MAML3: variants seen among roughly 807,000 people sequenced by gnomAD.
The protein encoded by MAML3 is mastermind like transcriptional coactivator 3.
In MAML3, 27 loss-of-function variants were observed where a neutral mutation model predicts 101.9. The ratio of observed to expected loss-of-function variants is 0.27; its 90% CI spans 0.20 to 0.37. The LOEUF is 0.37. MAML3 is among the 10% of genes least tolerant of loss of function. MAML3 has a pLI of 1.00. For synonymous variants in MAML3, 501 were observed against 555.9 expected (o/e 0.90, Z 1.39); for missense variants, 1,316 against 1,444.9 (o/e 0.91, Z 1.45).
At chr4:139,741,652 TG>T (rs1729167964) in intron 2 of MAML3, among the ~76,000 whole-genome samples, 1 of 151,988 alleles carries the variant, frequency 6.6e-6, no homozygotes, top group Non-Finnish European at 1.5e-5. Context: ...GAGGCTGAGG[TG>T]GGAGGATCGC....
intron 2 of MAML3, among the ~76,000 whole-genome samples, chr4:139,830,033 G>T (rs1021162275): frequency 2.0e-5 from 3 of 152,176 alleles, no homozygotes; most frequent in African/African-American, 7.2e-5. Flanking sequence ...CTCTCTAGAG[G>T]TTGCCTATGA....
intron 2 of MAML3, among the ~76,000 whole-genome samples, chr4:139,835,816 G>A (rs1731246824): frequency 6.6e-6 from 1 of 152,170 alleles, no homozygotes. Flanking sequence ...AGAGTCAAAT[G>A]TTATCTTCAT....
intron 1 of MAML3, among the ~76,000 whole-genome samples, chr4:140,038,489 C>T (rs1727025505): frequency 6.6e-6 from 1 of 152,152 alleles, no homozygotes; most frequent in African/African-American, 2.4e-5. Flanking sequence ...GTTTTCCTTC[C>T]CTGACTTCCT....
At chr4:139,766,550 T>C (rs557429085) in intron 2 of MAML3, among the ~76,000 whole-genome samples, 4 of 152,174 alleles carry the variant, frequency 2.6e-5, no homozygotes, top group South Asian at 4.2e-4. Context: ...GTTCCTTCAA[T>C]AAACAACCAG....
intron 1 of MAML3, among the ~76,000 whole-genome samples, chr4:140,033,907 TA>T (rs1451993994): frequency 6.6e-6 from 1 of 152,190 alleles, no homozygotes; most frequent in Non-Finnish European, 1.5e-5. Context: ...GTGAGGTCTA[TA>T]AAAGAATGTG....
chr4:139,983,907 C>T (rs1734488210), intron 1 of MAML3, among the ~76,000 whole-genome samples: 1 of 152,182 alleles, frequency 6.6e-6, no homozygotes, highest in South Asian at 2.1e-4. Context: ...TGCTGCAATG[C>T]AGGCACACAG....
At chr4:139,928,459 A>G (rs538737148) in intron 1 of MAML3, among the ~76,000 whole-genome samples, 1 of 152,324 alleles carries the variant, frequency 6.6e-6, no homozygotes, top group South Asian at 2.1e-4. Context: ...AGAAACAACT[A>G]AATTGCTCTG....
chr4:139,874,069 G>A (rs1474983335), intron 2 of MAML3, among the ~76,000 whole-genome samples: 1 of 152,160 alleles, frequency 6.6e-6, no homozygotes, highest in East Asian at 1.9e-4. Context: ...TGGATCAGAT[G>A]TTATAAAATG....
At chr4:139,757,172 C>T (rs1203248865) in intron 2 of MAML3, among the ~76,000 whole-genome samples, 1 of 152,120 alleles carries the variant, frequency 6.6e-6, no homozygotes, top group Non-Finnish European at 1.5e-5. Flanking sequence ...GGCGTTTTAC[C>T]TCCTCCACAG....
chr4:139,846,952 C>A (rs1403533139), intron 2 of MAML3, among the ~76,000 whole-genome samples: 4 of 152,154 alleles, frequency 2.6e-5, no homozygotes, highest in African/African-American at 9.7e-5. Flanking sequence ...CTGGAGGGAT[C>A]TGCTTCTTCC....
rs4863698 is a variant in MAML3 at position 139,872,577 on chromosome 4, G to T, written c.2079+16780C>A. Among the ~76,000 whole-genome samples, 6 of 151,944 alleles carry T rather than the reference G, an allele frequency of 3.9e-5. No individual in the cohort carries two copies. In the South Asian group the frequency reaches 1.0e-3, roughly 26 times the overall value. On this transcript the variant is annotated intron_variant, in intron 2 of 4. Coordinates refer to ENST00000509479, the MANE Select transcript of MAML3 (RefSeq NM_018717.5). ...AAGCAGAGGAACTGGAGGATGTACTGGAAGAACTCAGGGGTGCACACAGAA... is the reference window on the plus strand; with the variant it reads ...AAGCAGAGGAACTGGAGGATGTACTTGAAGAACTCAGGGGTGCACACAGAA...
At chr4:139,725,638 T>G in intron 4 of MAML3, 113 bp downstream of exon 4, 1 of 1,027,556 alleles carries the variant, frequency 9.7e-7, no homozygotes, top group Non-Finnish European at 1.5e-6. Flanking sequence ...AGTTACATAT[T>G]TTGAGTATTT....
At chr4:140,068,644 C>T (rs1010592501) in intron 1 of MAML3, among the ~76,000 whole-genome samples, 2 of 152,154 alleles carry the variant, frequency 1.3e-5, no homozygotes, top group African/African-American at 2.4e-5. Flanking sequence ...TATTACTTTA[C>T]CTCTCTAAAA....
chr4:139,888,199 A>G (rs1403232552), intron 2 of MAML3, among the ~76,000 whole-genome samples: 4 of 152,190 alleles, frequency 2.6e-5, no homozygotes, highest in Non-Finnish European at 5.9e-5. Context: ...GGGGCACTCC[A>G]GGAGCTACAA....
At chr4:140,149,402 G>A (rs959738613) in intron 1 of MAML3, among the ~76,000 whole-genome samples, 7 of 152,094 alleles carry the variant, frequency 4.6e-5, no homozygotes, top group Non-Finnish European at 1.0e-4. Flanking sequence ...CTGGAGCCAA[G>A]GAAAATTTTT....
In MAML3 at chr4:139,878,858, C is replaced by G. The variant is rs17368602; in HGVS notation, c.2079+10499G>C. Among the ~76,000 whole-genome samples, 12 of 152,066 alleles carry G rather than the reference C, an allele frequency of 7.9e-5. No individual in the cohort carries two copies. In the East Asian group the frequency reaches 2.1e-3, roughly 27 times the overall value. The stretch of plus-strand genomic sequence containing the variant: ...AAGAGGCCCTACATAAGCCTTGTGT[C>G]GCCTTTAATGTGTGTAGTATCCATT... On this transcript the variant is annotated intron_variant, in intron 2 of 4. Transcript: ENST00000509479.
rs973005880 is a variant in MAML3, at chr4:139,719,174, C to G, written c.*149G>C. ...GAGGCCTGGTGGGGCTGTGGATTGGCACCTGGATCTTCCATTGTCAGCCAG... is the reference window on the plus strand; with the variant it reads ...GAGGCCTGGTGGGGCTGTGGATTGGGACCTGGATCTTCCATTGTCAGCCAG... On this transcript the variant is annotated 3_prime_UTR_variant, in exon 5 of 5. Coordinates refer to ENST00000509479, the MANE Select transcript of MAML3 (RefSeq NM_018717.5). 7.0e-6 allele frequency: 6 copies of G among 861,768 alleles called. No homozygotes were observed. The African/African-American group carries it at 8.5e-5, about 12-fold the overall frequency. 53.4% of individuals were successfully genotyped at this position (861,768 alleles called of 1,614,324 possible).
At chr4:139,807,603 G>A (rs965755792) in intron 2 of MAML3, among the ~76,000 whole-genome samples, 6 of 152,176 alleles carry the variant, frequency 3.9e-5, no homozygotes, top group East Asian at 1.9e-4. Flanking sequence ...GAGCATACAC[G>A]TACCCTAAAA....
chr4:139,862,438 CCATCCAGCT>C (rs1731800098), intron 2 of MAML3, among the ~76,000 whole-genome samples: 1 of 152,204 alleles, frequency 6.6e-6, no homozygotes, highest in Admixed American at 6.5e-5. Context: ...CTGCGTTTGA[CCATCCAGCT>C]CACTGTCTCG....
Sources: allele counts gnomAD v4.1 joint callset (sites outside exome capture counted in the v4.1 genomes callset), GRCh38; gene constraint gnomAD v4.1.1; transcripts MANE v1.5; gene names NCBI Gene and HGNC (gene_info 2026-07-23, HGNC 2026-07-21).